TMEM52B: variants seen among roughly 807,000 people sequenced by gnomAD.
The protein encoded by TMEM52B is chromosome 12 open reading frame 59.
Under a neutral mutation model 16.1 loss-of-function variants are expected in TMEM52B, and 11 were observed. The observed-to-expected ratio is 0.68, with a 90% CI of 0.43 to 1.13. The LOEUF (loss-of-function observed/expected upper bound fraction) is 1.13, where lower values mean the gene tolerates loss of function less well. TMEM52B is among the 50% of genes most tolerant of loss of function. The pLI is 0.00. For synonymous variants in TMEM52B, 101 were observed against 93.8 expected, an observed-to-expected ratio of 1.08 and a Z score of -0.45; for missense variants, 243 against 230.4, an observed-to-expected ratio of 1.05 and a Z score of -0.35.
chr12:10,184,461 C>T (rs1441480335), intron 2 of TMEM52B, among the ~76,000 whole-genome samples: 4 of 151,988 alleles, frequency 2.6e-5, no homozygotes, highest in Non-Finnish European at 5.9e-5. Context: ...GAGTCCTCAC[C>T]CTATGGGATC....
chr12:10,175,185 T>G (rs1356474817), upstream of TMEM52B: 5 of 152,336 alleles, frequency 3.3e-5, no homozygotes, highest in African/African-American at 7.2e-5. Context: ...GGTGCTGGAA[T>G]GTATGTGATC....
intron 2 of TMEM52B, among the ~76,000 whole-genome samples, chr12:10,183,306 A>T (rs1437741437): frequency 6.6e-6 from 1 of 152,172 alleles, no homozygotes; most frequent in African/African-American, 2.4e-5. Flanking sequence ...GTCACATGCA[A>T]ATTGGGTGTT....
At chr12:10,178,243 A>G (rs926947548), upstream of TMEM52B, among the ~76,000 whole-genome samples, 2 of 149,922 alleles carry the variant, frequency 1.3e-5, no homozygotes, top group Non-Finnish European at 1.5e-5. Context: ...TAGGCCAGGC[A>G]CGGTGGCTCA....
Position 10,182,561 on chromosome 12 carries a change from G to C in TMEM52B, c.66G>C (p.Thr22=). 6.5e-7 allele frequency: 1 copy of C among 1,535,408 alleles called. No individual in the cohort carries two copies. The highest frequency in any genetic ancestry group is 2.4e-5 in the East Asian group (1 of 40,884). The change falls in exon 2 of 5, where the codon ACG becomes ACC. Residue 22 remains threonine (T), a synonymous_variant. Transcript: ENST00000543484. The part of the protein sequence containing the change: ...ALLYFILLSG[T]RCEENCGNPE... ...TTCTCTTTCTACAGCTTTCTGGGAC[G>C]AGATGTGAGGAAAACTGTGGTAATC...
chr12:10,182,020 C>CAAAAAAAAAAAAAA (rs765078092), intron 1 of TMEM52B: 2 of 665,404 alleles, frequency 3.0e-6, no homozygotes, highest in African/African-American at 3.5e-5. Context: ...GAGCAAGACT[C>CAAAAAAAAAAAAAA]AAAAAAAAAA....
intron 4 of TMEM52B, among the ~76,000 whole-genome samples, chr12:10,188,158 T>C (rs1465422298): frequency 6.6e-6 from 1 of 152,066 alleles, no homozygotes; most frequent in Non-Finnish European, 1.5e-5. Flanking sequence ...TCACCTTTCC[T>C]ACCTCCCCTT....
rs969258377 is a variant in TMEM52B at position 10,186,537 on chromosome 12, A to C, written c.255A>C (p.Glu85Asp). The change falls in exon 4 of 5, where the codon GAA (glutamate) becomes GAC (aspartate). Residue 85 changes from glutamate to aspartate, a missense_variant. Transcript: ENST00000543484. ...NGEDGGPPPC[E>D]VTVIAFDHDS... The stretch of plus-strand genomic sequence containing the variant: ...AAGATGGGGGCCCACCACCCTGTGA[A>C]GTGACCGTCATTGCTTTCGATCACG... The C allele has an allele frequency of 1.4e-5, 22 of 1,608,808 alleles. No individual in the cohort carries two copies. Among genetic ancestry groups the C allele is most frequent in the Middle Eastern group, 1.7e-4 (1 of 6,050 alleles).
At chr12:10,181,594 CTGGGA>C (rs1948823362) in intron 1 of TMEM52B, among the ~76,000 whole-genome samples, 1 of 151,806 alleles carries the variant, frequency 6.6e-6, no homozygotes, top group Non-Finnish European at 1.5e-5. Flanking sequence ...TCCCAAAGTG[CTGGGA>C]TTACAGGCGT....
upstream of TMEM52B, among the ~76,000 whole-genome samples, chr12:10,177,148 AG>A (rs1948771790): frequency 6.6e-6 from 1 of 152,312 alleles, no homozygotes; most frequent in African/African-American, 2.4e-5. Context: ...GGCCACCTAA[AG>A]CCCTGCTCTC....
At chr12:10,172,921 A>G (rs1258671868) in intron 1 of TMEM52B, among the ~76,000 whole-genome samples, 2 of 152,222 alleles carry the variant, frequency 1.3e-5, no homozygotes, top group East Asian at 1.9e-4. Flanking sequence ...GGTAAAAATA[A>G]TAAGCTTTTT....
intron 4 of TMEM52B, among the ~76,000 whole-genome samples, chr12:10,188,289 G>A (rs1422394523): frequency 3.3e-5 from 5 of 151,148 alleles, no homozygotes; most frequent in Non-Finnish European, 5.9e-5. Flanking sequence ...GTGAAACCCC[G>A]TCCCTATTAA....
chr12:10,182,686 T>C (rs1948838150), intron 2 of TMEM52B, 93 bp downstream of exon 2: 9 of 1,246,250 alleles, frequency 7.2e-6, no homozygotes, highest in Non-Finnish European at 9.5e-6. Context: ...CATCTATGAC[T>C]TCTTTTTATT....
rs1948961907 is a variant in TMEM52B, at chr12:10,191,803, G to A, written c.*1663G>A. ...TTGTTGATTGCGGTAAACAGCAACA[G>A]ATATAAGTGATTCCTCGTAATATGT... On this transcript the variant is annotated 3_prime_UTR_variant, in exon 5 of 5. Coordinates refer to ENST00000543484, the MANE Select transcript of TMEM52B (RefSeq NM_001384896.1). 6.6e-6 allele frequency: 1 copy of A among 152,208 alleles called. No individual in the cohort carries two copies. The allele number at this position is 152,208 out of a possible 1,614,324, so 9.4% of individuals were successfully genotyped here. A position where few individuals can be genotyped will look rare whatever the true frequency, so the allele number is the denominator to read the frequency against.
At chr12:10,171,044 A>G (rs889877624) in intron 1 of TMEM52B, among the ~76,000 whole-genome samples, 11 of 152,184 alleles carry the variant, frequency 7.2e-5, no homozygotes, top group African/African-American at 2.7e-4. Context: ...CAGACCCTCA[A>G]TATTTACTAC....
At chr12:10,184,920 G>C (rs1948863559) in intron 2 of TMEM52B, among the ~76,000 whole-genome samples, 1 of 151,852 alleles carries the variant, frequency 6.6e-6, no homozygotes, top group South Asian at 2.1e-4. Flanking sequence ...CACTATGTTG[G>C]CCAGGCTGGT....
chr12:10,174,616 A>G (rs754895902), upstream of TMEM52B, among the ~76,000 whole-genome samples: 1 of 152,000 alleles, frequency 6.6e-6, no homozygotes, highest in Non-Finnish European at 1.5e-5. Context: ...GGCAGCCCAC[A>G]CTCCAGATTT....
intron 1 of TMEM52B, chr12:10,170,932 A>G (rs1281281355): frequency 1.3e-5 from 2 of 152,142 alleles, no homozygotes; most frequent in African/African-American, 4.8e-5. Flanking sequence ...TGCTGCCCCT[A>G]CTAGTGATTT....
In TMEM52B at chr12:10,186,527, C is replaced by G. The variant is rs139445020; in HGVS notation, c.245C>G (p.Pro82Arg). 73 of 1,609,806 alleles carry G rather than the reference C, an allele frequency of 4.5e-5. No individual in the cohort carries two copies. The highest frequency in any genetic ancestry group is 1.2e-4 in the African/African-American group (9 of 74,898). The change falls in exon 4 of 5, where the codon CCA becomes CGA. Residue 82 changes from proline (P) to arginine (R), a missense_variant. Pro to Arg is a moderately radical substitution (Grantham distance 103, BLOSUM62 -2). Coordinates refer to ENST00000543484, the MANE Select transcript of TMEM52B (RefSeq NM_001384896.1). ...CAAAATGGGGAAGATGGGGGCCCAC[C>G]ACCCTGTGAAGTGACCGTCATTGCT... Reference protein sequence around the residue: ...RQQNGEDGGPPPCEVTVIAFD... With the variant: ...RQQNGEDGGPRPCEVTVIAFD...
In TMEM52B at chr12:10,190,282, G is replaced by C; in HGVS notation, c.*142G>C. 9.0e-7 allele frequency: 1 copy of C among 1,113,524 alleles called. No homozygotes were observed. Among genetic ancestry groups the C allele is most frequent in the Admixed American group, 2.6e-5 (1 of 38,118 alleles). 69.0% of individuals were successfully genotyped at this position (1,113,524 alleles called of 1,614,324 possible). A position where few individuals can be genotyped will look rare whatever the true frequency, so the allele number is the denominator to read the frequency against. On this transcript the variant is annotated 3_prime_UTR_variant, in exon 5 of 5. Coordinates refer to ENST00000543484, the MANE Select transcript of TMEM52B (RefSeq NM_001384896.1). ...ATGGGAAAGATGGTTCTTACTCTTC[G>C]TTCACAGGCCTTTATATCTTCCGAT...
Sources: allele counts gnomAD v4.1 joint callset (sites outside exome capture counted in the v4.1 genomes callset), GRCh38; gene constraint gnomAD v4.1.1; transcripts MANE v1.5; gene names NCBI Gene and HGNC (gene_info 2026-07-23, HGNC 2026-07-21).